Variants in NHS observed in about 807,000 individuals in gnomAD.
The protein encoded by NHS is actin remodeling regulator NHS.
NHS carries 5 observed loss-of-function variants against 72.5 expected under a neutral mutation model. The observed-to-expected ratio is 0.07, with a 90% CI of 0.04 to 0.14. NHS has a LOEUF of 0.14. NHS is among the 10% of genes least tolerant of loss of function. The probability of loss-of-function intolerance (pLI) is 1.00; values close to 1 mark genes in which losing one functional copy is unlikely to be tolerated. For missense variants in NHS, 1,072 were observed against 1,355.7 expected, an observed-to-expected ratio of 0.79 and a Z score of 3.29; for synonymous variants, 464 against 547.7, an observed-to-expected ratio of 0.85 and a Z score of 2.13.
intron 1 of NHS, among the ~76,000 whole-genome samples, chrX:17,415,202 C>T (rs993398082): frequency 8.1e-5 from 9 of 111,531 alleles, no homozygotes; most frequent in Non-Finnish European, 1.7e-4. Flanking sequence ...CGGTATAGCC[C>T]GCTTGTGGCT....
chrX:17,687,133 T>C (rs1257229244), intron 1 of NHS: 1 of 122,201 alleles, frequency 8.2e-6, no homozygotes. Flanking sequence ...TTAATGCGTA[T>C]GCTCACCCCT....
At chrX:17,382,027 A>G (rs1197867487) in intron 1 of NHS, among the ~76,000 whole-genome samples, 2 of 112,388 alleles carry the variant, frequency 1.8e-5, no homozygotes, top group Non-Finnish European at 3.8e-5. Flanking sequence ...ACTGAACACC[A>G]TTTTATATAA....
chrX:17,582,474 G>C (rs2065548863), intron 1 of NHS, among the ~76,000 whole-genome samples: 1 of 112,236 alleles, frequency 8.9e-6, no homozygotes, highest in African/African-American at 3.2e-5. Flanking sequence ...AAGTGAGAGG[G>C]GTTGTCCAGT....
intron 1 of NHS, among the ~76,000 whole-genome samples, chrX:17,651,352 G>A (rs1350362981): frequency 3.6e-5 from 4 of 112,333 alleles, no homozygotes; most frequent in African/African-American, 1.3e-4. Context: ...CCAATAATAA[G>A]CTTTCTTAAT....
At chrX:17,710,012 G>A (rs1225526137) in intron 3 of NHS, among the ~76,000 whole-genome samples, 1 of 111,790 alleles carries the variant, frequency 8.9e-6, no homozygotes, top group African/African-American at 3.3e-5. Context: ...GACCACTGCT[G>A]GGACAATGCT....
In NHS at chrX:17,727,875, C is replaced by T. The variant is rs752950446; in HGVS notation, c.3769C>T (p.Pro1257Ser). The stretch of plus-strand genomic sequence containing the variant: ...AGACCAAGTGCGTACAGAGACTGAG[C>T]CTATTCCAGAAAACACGCCAACCAA... ...TKDQVRTETEPIPENTPTKNC... is the reference protein window; with the variant it reads ...TKDQVRTETESIPENTPTKNC... The change falls in exon 7 of 9, where the codon CCT (proline) becomes TCT (serine). Residue 1257 changes from proline to serine, a missense_variant. Physicochemically the swap from Pro to Ser is moderately conservative, Grantham distance 74. Transcript: ENST00000676302. 9 of 1,210,065 alleles carry T rather than the reference C, an allele frequency of 7.4e-6. No individual in the cohort carries two copies. In the East Asian group the frequency reaches 2.1e-4, roughly 28 times the overall value.
chrX:17,726,440 A>G lies in NHS; in HGVS notation c.2334A>G (p.Ser778=). The G allele has an allele frequency of 8.2e-7, 1 of 1,212,134 alleles. No individual in the cohort carries two copies. Among genetic ancestry groups the G allele is most frequent in the Non-Finnish European group, 1.1e-6 (1 of 895,529 alleles). Residue 778 remains serine, a synonymous_variant, in exon 7 of 9, where the codon TCA becomes TCG. Coordinates refer to ENST00000676302, the MANE Select transcript of NHS (RefSeq NM_001291867.2). ...SDKADTSSHF[S]VDTEGYYTSM... is the part of the protein sequence containing the mutation. ...AAGCGGACACTAGCTCTCACTTTTC[A>G]GTAGACACGGAAGGATACTATACCT... is the stretch of plus-strand genomic sequence containing the variant.
At chrX:17,627,777 T>C (rs936674216) in intron 1 of NHS, among the ~76,000 whole-genome samples, 4 of 112,246 alleles carry the variant, frequency 3.6e-5, no homozygotes, top group African/African-American at 1.3e-4. Flanking sequence ...GGTGAAGTGT[T>C]AGCTAGTTCT....
intron 1 of NHS, among the ~76,000 whole-genome samples, chrX:17,489,968 T>G (rs2064983376): frequency 8.9e-6 from 1 of 112,217 alleles, no homozygotes; most frequent in Non-Finnish European, 1.9e-5. Flanking sequence ...CACTTTTTGA[T>G]GGAGTTGTTT....
intron 1 of NHS, among the ~76,000 whole-genome samples, chrX:17,462,282 C>T (rs752799707): frequency 3.6e-5 from 4 of 110,670 alleles, no homozygotes; most frequent in Non-Finnish European, 7.6e-5. Context: ...TTATTTTTTC[C>T]CTTATTTTTC....
At chrX:17,605,924 T>C (rs756310993) in intron 1 of NHS, among the ~76,000 whole-genome samples, 2 of 112,162 alleles carry the variant, frequency 1.8e-5, no homozygotes, top group South Asian at 7.5e-4. Context: ...GTATTGCTTA[T>C]AGTAGAAATG....
At chrX:17,714,938 A>G (rs1253145929) in intron 3 of NHS, among the ~76,000 whole-genome samples, 1 of 112,615 alleles carries the variant, frequency 8.9e-6, no homozygotes, top group Non-Finnish European at 1.9e-5. Flanking sequence ...ATTATATAAA[A>G]GTGTAATCAG....
At chrX:17,679,866 G>GA (rs2066114660) in intron 1 of NHS, among the ~76,000 whole-genome samples, 1 of 104,878 alleles carries the variant, frequency 9.5e-6, no homozygotes, top group African/African-American at 3.4e-5. Flanking sequence ...GAAAGGGGGG[G>GA]GGGGTGTGCG....
Position 17,687,744 on chromosome X carries a change from G to T in NHS, c.568G>T (p.Val190Phe). 3 of 1,211,568 alleles carry T rather than the reference G, an allele frequency of 2.5e-6. No individual in the cohort carries two copies. Among genetic ancestry groups the T allele is most frequent in the Non-Finnish European group, 3.4e-6 (3 of 895,438 alleles). Reference sequence around the variant, plus strand: ...ACGCCCTGTTTCTTGTCTTGCAGCCGTCTCCAACCTGGACATAGAGAGTAA... The same window carrying T: ...ACGCCCTGTTTCTTGTCTTGCAGCCTTCTCCAACCTGGACATAGAGAGTAA... ...TLDPKQEAVP[V>F]SNLDIESKLS... Residue 190 changes from valine to phenylalanine, a missense_variant and splice_region_variant, in exon 2 of 9, where the codon GTC becomes TTC. Val to Phe is a conservative substitution (Grantham distance 50, BLOSUM62 -1). Coordinates refer to ENST00000676302, the MANE Select transcript of NHS (RefSeq NM_001291867.2).
At chrX:17,423,237 T>G (rs931787524) in intron 1 of NHS, among the ~76,000 whole-genome samples, 1 of 112,464 alleles carries the variant, frequency 8.9e-6, no homozygotes, top group Non-Finnish European at 1.9e-5. Flanking sequence ...CATGTATTTG[T>G]TTAGAACCTG....
chrX:17,529,034 C>T (rs1195449668), intron 1 of NHS, among the ~76,000 whole-genome samples: 2 of 111,025 alleles, frequency 1.8e-5, no homozygotes, highest in Non-Finnish European at 3.8e-5. Flanking sequence ...TTCTTCCCTT[C>T]CTTCTTTCTT....
chrX:17,448,847 TTGTA>T (rs915078593), intron 1 of NHS, among the ~76,000 whole-genome samples: 7 of 112,079 alleles, frequency 6.2e-5, no homozygotes, highest in Non-Finnish European at 3.8e-5. Context: ...GAGCATGTGG[TTGTA>T]TGTGCACACT....
intron 1 of NHS, among the ~76,000 whole-genome samples, chrX:17,451,006 T>C (rs941269120): frequency 1.8e-5 from 2 of 112,260 alleles, no homozygotes; most frequent in African/African-American, 3.2e-5. Flanking sequence ...ATGGGGCTAG[T>C]TGGGAGTGAG....
At chrX:17,515,763 A>T (rs1368028912) in intron 1 of NHS, among the ~76,000 whole-genome samples, 1 of 111,893 alleles carries the variant, frequency 8.9e-6, no homozygotes, top group Non-Finnish European at 1.9e-5. Flanking sequence ...CAACAACCCT[A>T]TGGGATAGAG....
Sources: gnomAD v4.1 joint callset for allele counts (sites outside exome capture counted in the v4.1 genomes callset) on GRCh38, gnomAD v4.1.1 for gene constraint, MANE v1.5 for transcripts, NCBI Gene and HGNC (gene_info 2026-07-23, HGNC 2026-07-21) for gene names.